The following CEP162 variants were observed in gnomAD, a reference collection of about 807,000 sequenced individuals.
CEP162 encodes centrosomal protein of 162 kDa.
Under a neutral mutation model 169.2 loss-of-function variants are expected in CEP162, and 141 were observed. The observed-to-expected ratio is 0.83, with a 90% CI of 0.73 to 0.96. The LOEUF is 0.96. Among genes scored for constraint, CEP162 ranks in the 40% least tolerant of loss-of-function variants. The pLI, the probability that CEP162 is intolerant of heterozygous loss-of-function variation, is 0.00. For missense variants in CEP162, 1,600 were observed against 1,587.2 expected (o/e 1.01, Z -0.14); for synonymous variants, 540 against 526.4 (o/e 1.03, Z -0.35).
At chr6:84,136,846 G>A (rs1289772931) in intron 25 of CEP162, among the ~76,000 whole-genome samples, 1 of 152,152 alleles carries the variant, frequency 6.6e-6, no homozygotes, top group East Asian at 1.9e-4. Context: ...AACTGACCTT[G>A]GGTTCAATCA....
At chr6:84,134,814 C>T (rs377552213) in intron 25 of CEP162, among the ~76,000 whole-genome samples, 5 of 151,998 alleles carry the variant, frequency 3.3e-5, no homozygotes, top group African/African-American at 9.7e-5. Flanking sequence ...GCCTCCCCCC[C>T]ACAGATTAAA....
At chr6:84,134,955 CAT>C (rs1402310676) in intron 25 of CEP162, among the ~76,000 whole-genome samples, 90 of 127,920 alleles carry the variant, frequency 7.0e-4, no homozygotes, top group African/African-American at 2.2e-3. Flanking sequence ...CACACACACA[CAT>C]ATATAGTGTT....
chr6:84,136,043 C>G (rs182857574), intron 25 of CEP162, among the ~76,000 whole-genome samples: 1 of 152,276 alleles, frequency 6.6e-6, no homozygotes, highest in Non-Finnish European at 1.5e-5. Context: ...GAAGGAGATC[C>G]TGGGCACTGT....
intron 25 of CEP162, among the ~76,000 whole-genome samples, chr6:84,138,987 A>G (rs960188088): frequency 2.0e-5 from 3 of 152,208 alleles, no homozygotes; most frequent in Non-Finnish European, 2.9e-5. Flanking sequence ...AATTGGCTCT[A>G]TATTTTGCCT....
intron 25 of CEP162, among the ~76,000 whole-genome samples, chr6:84,140,986 T>A (rs1440781119): frequency 1.3e-5 from 2 of 152,176 alleles, no homozygotes; most frequent in Non-Finnish European, 2.9e-5. Flanking sequence ...TAGATTCTCT[T>A]ATATAAGCCC....
At chr6:84,133,757 G>A (rs138349017) in intron 25 of CEP162, among the ~76,000 whole-genome samples, 3,814 of 152,218 alleles carry the variant, frequency 0.025, 142 homozygotes, top group African/African-American at 0.087. Context: ...TCCAGGTACC[G>A]TCTATCACAG....
chr6:84,216,159 T>C (rs1413901732), intron 3 of CEP162, among the ~76,000 whole-genome samples: 1 of 152,182 alleles, frequency 6.6e-6, no homozygotes, highest in East Asian at 1.9e-4. Context: ...TGAGACAAAA[T>C]TTTTTAAAAT....
chr6:84,212,742 A>C (rs2099549994), intron 6 of CEP162, among the ~76,000 whole-genome samples: 1 of 152,168 alleles, frequency 6.6e-6, no homozygotes, highest in Non-Finnish European at 1.5e-5. Flanking sequence ...CAAAAATGCT[A>C]AAACCAGCTA....
At chr6:84,189,274 G>A (rs918038252) in intron 11 of CEP162, among the ~76,000 whole-genome samples, 1 of 152,156 alleles carries the variant, frequency 6.6e-6, no homozygotes, top group Non-Finnish European at 1.5e-5. Flanking sequence ...GGTGGTATTT[G>A]AGGAGCCCTT....
intron 16 of CEP162, among the ~76,000 whole-genome samples, chr6:84,173,438 T>A (rs1382271622): frequency 6.6e-6 from 1 of 152,148 alleles, no homozygotes; most frequent in Non-Finnish European, 1.5e-5. Flanking sequence ...CCAGTGGAAG[T>A]TAGGGATCCT....
chr6:84,129,247 G>A (rs2099510213), intron 25 of CEP162, among the ~76,000 whole-genome samples: 2 of 152,144 alleles, frequency 1.3e-5, no homozygotes, highest in South Asian at 4.1e-4. Flanking sequence ...TCTAGTTCTA[G>A]ATCCTTGAGG....
At chr6:84,134,224 T>C (rs1186642047) in intron 25 of CEP162, among the ~76,000 whole-genome samples, 1 of 152,160 alleles carries the variant, frequency 6.6e-6, no homozygotes, top group Non-Finnish European at 1.5e-5. Flanking sequence ...AGCTTGAGCA[T>C]CCCAGGTCAC....
Position 84,152,547 on chromosome 6 carries a change from T to G in CEP162, c.3627A>C (p.Arg1209Ser). 1 of 1,402,628 alleles carries G rather than the reference T, an allele frequency of 7.1e-7. No individual in the cohort carries two copies. Among genetic ancestry groups the G allele is most frequent in the South Asian group, 1.6e-5 (1 of 61,236 alleles). 86.9% of individuals were successfully genotyped at this position (1,402,628 alleles called of 1,614,324 possible). Residue 1209 changes from arginine (R) to serine (S), a missense_variant and splice_region_variant, in exon 23 of 27, where the codon AGA becomes AGC. Transcript: ENST00000403245. Reference sequence around the variant, plus strand: ...TTATAAATAATTTAACATTTTACCTTCTCATGGAGTTTTCAAATTGATTCA... The same window carrying G: ...TTATAAATAATTTAACATTTTACCTGCTCATGGAGTTTTCAAATTGATTCA... ...AVMNQFENSM[R>S]RVKEDTAAHI...
chr6:84,226,333 T>G lies in CEP162; in HGVS notation c.57+4A>C, dbSNP rs1397801287. Reference sequence around the variant, plus strand: ...CAATATAGCTTTTAAAAATATAAACTTACCTCTTTCATAAACTGTTCAAAC... The same window carrying G: ...CAATATAGCTTTTAAAAATATAAACGTACCTCTTTCATAAACTGTTCAAAC... On this transcript the variant is annotated splice_donor_region_variant and intron_variant, in intron 2 of 26. Coordinates refer to ENST00000403245, the MANE Select transcript of CEP162 (RefSeq NM_014895.4). The G allele has an allele frequency of 1.4e-5, 21 of 1,540,670 alleles. No individual in the cohort carries two copies. The highest frequency in any genetic ancestry group is 1.8e-5 in the Non-Finnish European group (20 of 1,134,036).
At chr6:84,201,017 G>A (rs9294296) in intron 8 of CEP162, 112 bp from the exon 9 acceptor site, 12,188 of 527,998 alleles carry the variant, frequency 0.023, 295 homozygotes, top group African/African-American at 0.096. Flanking sequence ...GGTGGCTCAC[G>A]CCTGTAATCC....
rs760718855 is a variant in CEP162, at chr6:84,146,804, T to A, written c.3772-19A>T. The A allele has an allele frequency of 1.1e-5, 15 of 1,319,088 alleles. No individual in the cohort carries two copies. The South Asian group carries it at 1.9e-4, about 16-fold the overall frequency. The allele number at this position is 1,319,088 out of a possible 1,614,324, so 81.7% of individuals were successfully genotyped here. Reference sequence around the variant, plus strand: ...TAAGTACCTAGGAAATTGTTAGAAGTGCTGAGTTAATAAAGCTCCTCCTTG... The same window carrying A: ...TAAGTACCTAGGAAATTGTTAGAAGAGCTGAGTTAATAAAGCTCCTCCTTG... On this transcript the variant is annotated intron_variant, in intron 24 of 26. Coordinates refer to ENST00000403245, the MANE Select transcript of CEP162 (RefSeq NM_014895.4).
chr6:84,208,195 T>G (rs2099548047), intron 6 of CEP162, among the ~76,000 whole-genome samples: 1 of 152,166 alleles, frequency 6.6e-6, no homozygotes, highest in Non-Finnish European at 1.5e-5. Flanking sequence ...AATGACTTTG[T>G]GCAGAAGGAA....
At chr6:84,189,860 T>C (rs2099539019) in intron 11 of CEP162, among the ~76,000 whole-genome samples, 1 of 152,238 alleles carries the variant, frequency 6.6e-6, no homozygotes, top group African/African-American at 2.4e-5. Context: ...TGGAGAGTCT[T>C]TATATCTAGC....
chr6:84,143,666 T>A (rs1042120467), intron 25 of CEP162, among the ~76,000 whole-genome samples: 6 of 151,974 alleles, frequency 3.9e-5, no homozygotes, highest in African/African-American at 1.4e-4. Flanking sequence ...ATATCTTGTG[T>A]GTCTAAGCTG....
Sources: gnomAD v4.1 joint callset for allele counts (sites outside exome capture counted in the v4.1 genomes callset) on GRCh38, gnomAD v4.1.1 for gene constraint, MANE v1.5 for transcripts, NCBI Gene and HGNC (gene_info 2026-07-23, HGNC 2026-07-21) for gene names.